RBPJL: variants seen among roughly 807,000 people sequenced by gnomAD.
The protein encoded by RBPJL is recombination signal binding protein for immunoglobulin kappa J region like, also known as recombining binding protein suppressor of hairless-like protein.
RBPJL carries 50 observed loss-of-function variants against 57.6 expected under a neutral mutation model. The observed-to-expected ratio is 0.87, with a 90% CI of 0.69 to 1.10. RBPJL has a LOEUF of 1.10. Ranked by LOEUF, RBPJL falls within the 50% of genes least tolerant of loss-of-function variation. The pLI, the probability that RBPJL is intolerant of heterozygous loss-of-function variation, is 0.00. For synonymous variants in RBPJL, 303 were observed against 294.4 expected, an observed-to-expected ratio of 1.03 and a Z score of -0.30; for missense variants, 684 against 693.7, an observed-to-expected ratio of 0.99 and a Z score of 0.16.
chr20:45,312,524 G>A, intron 6 of RBPJL, 129 bp downstream of exon 6: 1 of 902,340 alleles, frequency 1.1e-6, no homozygotes, highest in Non-Finnish European at 1.7e-6. Flanking sequence ...TGGAGTCGGA[G>A]CCGAGAGGGG....
chr20:45,314,187 C>T, intron 8 of RBPJL, 43 bp downstream of exon 8: 1 of 1,532,212 alleles, frequency 6.5e-7, no homozygotes, highest in Non-Finnish European at 9.0e-7. Context: ...CCCTCAGATC[C>T]ATGCAGAGAA....
intron 1 of RBPJL, 116 bp downstream of exon 1, chr20:45,307,060 G>A (rs1258184405): frequency 7.2e-6 from 4 of 554,820 alleles, no homozygotes; most frequent in African/African-American, 4.8e-5. Flanking sequence ...GAGGCAGCCC[G>A]CCGAACTGCA....
At position 45,311,191 on chromosome 20, in the gene RBPJL, GAGGA is replaced by G. The variant is rs58816232; in HGVS notation, c.258-381_258-378del. Among the ~76,000 whole-genome samples the G allele has an allele frequency of 4.0e-4, 61 of 151,654 alleles. No individual in the cohort carries two copies. In the South Asian group the frequency reaches 5.2e-3, roughly 13 times the overall value. On this transcript the variant is annotated intron_variant, in intron 3 of 11. Transcript: ENST00000343694. ...TGAAAGAAAAAAAGAAAGAAAGAGA[GAGGA>G]AGGAAGGAAGGAAGGAGCACTCTGG...
At chr20:45,309,474 C>A in intron 2 of RBPJL, 93 bp from the exon 3 acceptor site, 2 of 1,379,946 alleles carry the variant, frequency 1.4e-6, no homozygotes, top group African/African-American at 1.5e-5. Context: ...ACCCCCTGCT[C>A]ACTTCATTTT....
rs578062966 is a variant in RBPJL at position 45,309,303 on chromosome 20, C to T, written c.132-264C>T. Among the ~76,000 whole-genome samples, 5 of 152,304 alleles carry T rather than the reference C, an allele frequency of 3.3e-5. No homozygotes were observed. The South Asian group carries it at 6.2e-4, about 19-fold the overall frequency. ...ATGATGCCAGACCCACAGAGTGGAA[C>T]CTGGGTGGTCCCATGGGTTCCATGC... On this transcript the variant is annotated intron_variant, in intron 2 of 11. Transcript: ENST00000343694.
Position 45,316,943 on chromosome 20 carries a change from T to G in RBPJL, c.1538T>G (p.Leu513Arg). The stretch of plus-strand genomic sequence containing the variant: ...GAGTTCACGCGCACCAACTTCCACC[T>G]CTTCATCCAGACTTAGGCGCGCCCG... ...HQEFTRTNFH[L>R]FIQT The change falls in exon 12 of 12, where the codon CTC becomes CGC. Residue 513 changes from leucine to arginine, a missense_variant. Leu to Arg is a moderately radical substitution (Grantham distance 102, BLOSUM62 -2). Transcript: ENST00000343694. The G allele has an allele frequency of 6.2e-7, 1 of 1,612,192 alleles. No homozygotes were observed. Among genetic ancestry groups the G allele is most frequent in the Non-Finnish European group, 8.5e-7 (1 of 1,178,736 alleles).
chr20:45,317,012 C>T lies in RBPJL; in HGVS notation c.*53C>T, dbSNP rs1209928521. 5.8e-6 allele frequency: 9 copies of T among 1,557,420 alleles called. No individual in the cohort carries two copies. Among genetic ancestry groups the T allele is most frequent in the Non-Finnish European group, 7.8e-6 (9 of 1,151,498 alleles). ...CCTGGAGGGCTGCGCCCGCGCCAGG[C>T]GCGGGGACGTGTTTCTGGGTTCTAG... is the stretch of plus-strand genomic sequence containing the variant. On this transcript the variant is annotated 3_prime_UTR_variant, in exon 12 of 12. Coordinates refer to ENST00000343694, the MANE Select transcript of RBPJL (RefSeq NM_014276.4).
intron 2 of RBPJL, among the ~76,000 whole-genome samples, chr20:45,309,331 G>T (rs1219392262): frequency 6.6e-6 from 1 of 152,152 alleles, no homozygotes; most frequent in Non-Finnish European, 1.5e-5. Flanking sequence ...TTCCATGCAG[G>T]CTTCGTTGAG....
chr20:45,317,210 T>C lies in RBPJL; in HGVS notation c.*251T>C. The C allele has an allele frequency of 1.8e-6, 1 of 564,290 alleles. No individual in the cohort carries two copies. Among genetic ancestry groups the C allele is most frequent in the South Asian group, 2.3e-5 (1 of 42,654 alleles). 35.0% of individuals were successfully genotyped at this position (564,290 alleles called of 1,614,324 possible). On this transcript the variant is annotated 3_prime_UTR_variant, in exon 12 of 12. Transcript: ENST00000343694. ...TCGTGTATGGCTCTCCCTGTCTTCATTTCTTCTCACTCTGTCTCTAAACCT... is the reference window on the plus strand; with the variant it reads ...TCGTGTATGGCTCTCCCTGTCTTCACTTCTTCTCACTCTGTCTCTAAACCT...
In RBPJL at chr20:45,317,018, G is replaced by A. The variant is rs538601085; in HGVS notation, c.*59G>A. The A allele has an allele frequency of 5.7e-5, 89 of 1,548,378 alleles. No individual in the cohort carries two copies. The highest frequency in any genetic ancestry group is 7.4e-5 in the Non-Finnish European group (85 of 1,145,938). On this transcript the variant is annotated 3_prime_UTR_variant, in exon 12 of 12. Coordinates refer to ENST00000343694, the MANE Select transcript of RBPJL (RefSeq NM_014276.4). ...GGGCTGCGCCCGCGCCAGGCGCGGG[G>A]ACGTGTTTCTGGGTTCTAGGCCCTG...
At position 45,316,647 on chromosome 20, in the gene RBPJL, G is replaced by C. The variant is rs746866686; in HGVS notation, c.1281-39G>C. On this transcript the variant is annotated intron_variant, in intron 11 of 11. Transcript: ENST00000343694. ...AGGGGAAGGGGGTGCACGCGTCGTC[G>C]GAGTCGCCGCAGCCCTCACCCTGGT... is the stretch of plus-strand genomic sequence containing the variant. The C allele has an allele frequency of 5.9e-6, 9 of 1,535,992 alleles. No individual in the cohort carries two copies. The East Asian group carries it at 1.9e-4, about 33-fold the overall frequency.
chr20:45,315,959 AAAAG>A (rs1049342682), intron 9 of RBPJL: 19 of 400,000 alleles, frequency 4.8e-5, no homozygotes, highest in Middle Eastern at 6.3e-4. Flanking sequence ...AAATAAAGAA[AAAAG>A]AAAGAAGAAA....
At chr20:45,313,754 G>GGT in intron 7 of RBPJL, 149 bp downstream of exon 7, 1 of 881,312 alleles carries the variant, frequency 1.1e-6, no homozygotes, top group East Asian at 2.7e-5. Context: ...CCAGTGAGCT[G>GGT]GTGACTGTTC....
intron 3 of RBPJL, among the ~76,000 whole-genome samples, chr20:45,311,255 A>G (rs1337050000): frequency 6.6e-6 from 1 of 152,138 alleles, no homozygotes; most frequent in African/African-American, 2.4e-5. Flanking sequence ...TAGAAACAGA[A>G]CTTTCTGGAA....
intron 3 of RBPJL, among the ~76,000 whole-genome samples, chr20:45,311,065 C>T (rs940817710): frequency 3.5e-5 from 5 of 144,410 alleles, no homozygotes; most frequent in South Asian, 2.1e-4. Flanking sequence ...CCCAGACAGC[C>T]GAGATCAAGT....
chr20:45,312,749 G>A (rs1987248430), intron 6 of RBPJL, among the ~76,000 whole-genome samples: 1 of 151,668 alleles, frequency 6.6e-6, no homozygotes, highest in Admixed American at 6.6e-5. Flanking sequence ...CAACAATTTG[G>A]GAGGCCAAGG....
At chr20:45,312,839 A>G (rs1403888177) in intron 6 of RBPJL, among the ~76,000 whole-genome samples, 3 of 151,392 alleles carry the variant, frequency 2.0e-5, no homozygotes, top group African/African-American at 4.9e-5. Flanking sequence ...AAAAAAAAAA[A>G]AAAAAAAGAA....
At chr20:45,315,279 A>G (rs1343513002) in intron 9 of RBPJL, among the ~76,000 whole-genome samples, 3 of 152,200 alleles carry the variant, frequency 2.0e-5, no homozygotes, top group Non-Finnish European at 2.9e-5. Context: ...ATATTATCAT[A>G]GAATGTTACG....
intron 8 of RBPJL, 26 bp downstream of exon 8, chr20:45,314,170 A>T (rs371475072): frequency 1.0e-5 from 16 of 1,582,774 alleles, no homozygotes; most frequent in Non-Finnish European, 1.3e-5. Context: ...GCATGCCTGG[A>T]GGGGTCCCCT....
Sources: gnomAD v4.1 joint callset for allele counts (sites outside exome capture counted in the v4.1 genomes callset) on GRCh38, gnomAD v4.1.1 for gene constraint, MANE v1.5 for transcripts, NCBI Gene and HGNC (gene_info 2026-07-23, HGNC 2026-07-21) for gene names.